Variants in AGBL1 observed in about 807,000 individuals in gnomAD.
The protein encoded by AGBL1 is AGBL carboxypeptidase 1.
Under a neutral mutation model 118.9 loss-of-function variants are expected in AGBL1, and 130 were observed. That is an observed-to-expected ratio of 1.09 (90% confidence interval 0.95 to 1.26). The LOEUF (loss-of-function observed/expected upper bound fraction) is 1.26, where lower values mean the gene tolerates loss of function less well. Ranked by LOEUF, AGBL1 falls within the 50% of genes most tolerant of loss-of-function variation. The pLI is 0.00. For synonymous variants in AGBL1, 555 were observed against 478.9 expected, an observed-to-expected ratio of 1.16 and a Z score of -2.08; for missense variants, 1,584 against 1,298.1, an observed-to-expected ratio of 1.22 and a Z score of -3.38.
At chr15:86,544,286 T>C (rs1364931162) in intron 19 of AGBL1, among the ~76,000 whole-genome samples, 1 of 152,200 alleles carries the variant, frequency 6.6e-6, no homozygotes, top group Admixed American at 6.5e-5. Context: ...GAGAGTCTCA[T>C]CATCCAGCAG....
chr15:86,124,029 A>T (rs1207542612), intron 1 of AGBL1, among the ~76,000 whole-genome samples: 1 of 152,142 alleles, frequency 6.6e-6, no homozygotes. Flanking sequence ...TCCAGAGTTT[A>T]GTTAACGATA....
intron 22 of AGBL1, among the ~76,000 whole-genome samples, chr15:86,753,488 C>A (rs1482530430): frequency 6.7e-6 from 1 of 149,420 alleles, no homozygotes; most frequent in Admixed American, 6.7e-5. Context: ...ACTTTTGCCT[C>A]CCGGATTCAA....
chr15:86,236,149 G>A (rs1039948134), intron 6 of AGBL1, among the ~76,000 whole-genome samples: 4 of 152,170 alleles, frequency 2.6e-5, no homozygotes, highest in African/African-American at 7.2e-5. Flanking sequence ...CAGAGCCACT[G>A]TATATAAACA....
chr15:86,918,673 A>T (rs980431183), downstream of AGBL1, among the ~76,000 whole-genome samples: 2 of 152,210 alleles, frequency 1.3e-5, no homozygotes, highest in Non-Finnish European at 2.9e-5. Flanking sequence ...TTTCCAGACA[A>T]AAATGCTGTG....
At chr15:86,285,782 A>G (rs973364858) in intron 16 of AGBL1, among the ~76,000 whole-genome samples, 1 of 152,210 alleles carries the variant, frequency 6.6e-6, no homozygotes, top group East Asian at 1.9e-4. Flanking sequence ...AAGATAACCC[A>G]TGAGAGAAGA....
intron 1 of AGBL1, among the ~76,000 whole-genome samples, chr15:86,135,009 A>T (rs780546517): frequency 6.6e-6 from 1 of 151,942 alleles, no homozygotes; most frequent in African/African-American, 2.4e-5. Context: ...CTGAACCCCA[A>T]TGTTGGAGTT....
intron 20 of AGBL1, among the ~76,000 whole-genome samples, chr15:86,546,607 A>G (rs1017004218): frequency 6.6e-6 from 1 of 152,184 alleles, no homozygotes; most frequent in African/African-American, 2.4e-5. Flanking sequence ...GAAGGGATGA[A>G]TAAACATAAG....
At chr15:86,538,170 G>T (rs1016327669) in intron 19 of AGBL1, among the ~76,000 whole-genome samples, 5 of 152,144 alleles carry the variant, frequency 3.3e-5, no homozygotes, top group African/African-American at 1.2e-4. Flanking sequence ...GCCATTGGAG[G>T]GGTCCAAGAC....
intron 17 of AGBL1, among the ~76,000 whole-genome samples, chr15:86,304,034 A>C (rs2079797297): frequency 6.6e-6 from 1 of 152,190 alleles, no homozygotes; most frequent in Non-Finnish European, 1.5e-5. Flanking sequence ...CAGCTGTGCA[A>C]TAATGAGGGA....
Position 86,264,786 on chromosome 15 carries a change from T to G in AGBL1, c.1615T>G (p.Cys539Gly). ...GGCATTTCCTGATGTCTGGGGACAC[T>G]GTCCCCCTCCCACCACCCAGCCTAT... ...MMAFPDVWGH[C>G]PPPTTQPMLE... is the part of the protein sequence containing the mutation. Residue 539 changes from cysteine to glycine, a missense_variant, in exon 11 of 23, where the codon TGT becomes GGT. Physicochemically the swap from Cys to Gly is radical, Grantham distance 159. Transcript: ENST00000614907. 6.2e-7 allele frequency: 1 copy of G among 1,613,850 alleles called. No homozygotes were observed. Among genetic ancestry groups the G allele is most frequent in the Non-Finnish European group, 8.5e-7 (1 of 1,179,822 alleles).
chr15:86,827,430 C>CAT (rs2079036152), intron 22 of AGBL1, among the ~76,000 whole-genome samples: 4 of 3,938 alleles, frequency 1.0e-3, no homozygotes, highest in Admixed American at 4.9e-3. Context: ...TATATATATA[C>CAT]ACATATATAT....
In AGBL1 at chr15:86,185,847, T is replaced by C. The variant is rs141520326; in HGVS notation, c.488+26821T>C. On this transcript the variant is annotated intron_variant, in intron 5 of 22. Coordinates refer to ENST00000614907, the MANE Select transcript of AGBL1 (RefSeq NM_001386094.1). ...GTGCAGCACACCAACATGGCACATG[T>C]ATACATATGTAACTAACCTGCACGT... Among the ~76,000 whole-genome samples, 242 of 152,218 alleles carry C rather than the reference T, an allele frequency of 1.6e-3. 3 individuals carry two copies. The East Asian group carries it at 0.02, about 12-fold the overall frequency.
intron 18 of AGBL1, among the ~76,000 whole-genome samples, chr15:86,486,068 A>G (rs2082708658): frequency 6.6e-6 from 1 of 152,094 alleles, no homozygotes; most frequent in South Asian, 2.1e-4. Context: ...CACGATACTT[A>G]ACCTCTGCAC....
chr15:86,921,363 C>G (rs1193948956), intron 23 of AGBL1, among the ~76,000 whole-genome samples: 8 of 152,114 alleles, frequency 5.3e-5, no homozygotes, highest in African/African-American at 1.9e-4. Flanking sequence ...GGTCTACGTG[C>G]CAGTGTATCC....
chr15:86,688,197 G>A (rs1408162593), intron 22 of AGBL1, among the ~76,000 whole-genome samples: 1 of 152,026 alleles, frequency 6.6e-6, no homozygotes, highest in Non-Finnish European at 1.5e-5. Flanking sequence ...TGAGGAGGGA[G>A]GTCCTCTCTG....
chr15:86,286,030 T>TA (rs1418645296), intron 16 of AGBL1, among the ~76,000 whole-genome samples: 5 of 152,140 alleles, frequency 3.3e-5, no homozygotes, highest in Non-Finnish European at 7.4e-5. Flanking sequence ...ACCAAAGGGC[T>TA]ATGGCTTAAT....
intron 22 of AGBL1, among the ~76,000 whole-genome samples, chr15:86,801,030 G>A (rs188563058): frequency 6.6e-6 from 1 of 152,118 alleles, no homozygotes; most frequent in African/African-American, 2.4e-5. Context: ...TTTGAAATAG[G>A]TGTCTCTTCT....
chr15:86,816,914 C>T (rs1022747352), intron 22 of AGBL1, among the ~76,000 whole-genome samples: 3 of 152,118 alleles, frequency 2.0e-5, no homozygotes, highest in Non-Finnish European at 4.4e-5. Flanking sequence ...GGCATTATTA[C>T]ATTAATCTTA....
At chr15:86,231,850 G>A (rs548631164) in intron 6 of AGBL1, among the ~76,000 whole-genome samples, 2 of 152,324 alleles carry the variant, frequency 1.3e-5, no homozygotes, top group South Asian at 4.1e-4. Context: ...CTGAAAAAAA[G>A]CTAAATAAAT....
Sources: allele counts gnomAD v4.1 joint callset (sites outside exome capture counted in the v4.1 genomes callset), GRCh38; gene constraint gnomAD v4.1.1; transcripts MANE v1.5; gene names NCBI Gene and HGNC (gene_info 2026-07-23, HGNC 2026-07-21).